RIMS2: variants seen among roughly 807,000 people sequenced by gnomAD.
RIMS2 encodes regulating synaptic membrane exocytosis protein 2.
RIMS2 carries 59 observed loss-of-function variants against 174.4 expected under a neutral mutation model. That is an observed-to-expected ratio of 0.34 (90% CI 0.27 to 0.42). The LOEUF is 0.42. RIMS2 is among the 10% of genes least tolerant of loss of function. The pLI, the probability that RIMS2 is intolerant of heterozygous loss-of-function variation, is 1.00. For synonymous variants in RIMS2, 606 were observed against 572.5 expected (o/e 1.06, Z -0.84); for missense variants, 1,620 against 1,666.3 (o/e 0.97, Z 0.48).
chr8:103,512,809 G>A (rs575389604), intron 1 of RIMS2, among the ~76,000 whole-genome samples: 5 of 152,004 alleles, frequency 3.3e-5, no homozygotes, highest in African/African-American at 7.2e-5. Flanking sequence ...ACTTTTTAAA[G>A]AATAAATTTT....
At chr8:103,912,421 C>A (rs1172791691) in intron 6 of RIMS2, among the ~76,000 whole-genome samples, 2 of 152,054 alleles carry the variant, frequency 1.3e-5, no homozygotes, top group Non-Finnish European at 1.5e-5. Flanking sequence ...TAATTAAGAT[C>A]TACTTGAATC....
At chr8:103,573,066 A>AT (rs35148115) in intron 1 of RIMS2, among the ~76,000 whole-genome samples, 27,129 of 149,468 alleles carry the variant, frequency 0.18, 2,631 homozygotes, top group African/African-American at 0.25. Flanking sequence ...CTTCAATCCA[A>AT]TTTTTTTTTT....
At chr8:103,936,641 A>C in exon 13 of RIMS2, 1 of 1,612,480 alleles carries the variant, frequency 6.2e-7, no homozygotes, top group Non-Finnish European at 8.5e-7. Flanking sequence ...TCCACCGAAG[A>C]GAATTTCGGG....
intron 1 of RIMS2, among the ~76,000 whole-genome samples, chr8:103,671,061 A>G (rs1408222221): frequency 6.6e-6 from 1 of 152,170 alleles, no homozygotes; most frequent in Non-Finnish European, 1.5e-5. Context: ...CCTCACAATC[A>G]TGGTGGGAGG....
At chr8:104,000,822 A>AT (rs1013427821) in intron 17 of RIMS2, among the ~76,000 whole-genome samples, 92 of 151,906 alleles carry the variant, frequency 6.1e-4, no homozygotes, top group African/African-American at 2.0e-3. Flanking sequence ...GATGTTGAGC[A>AT]TTTTTTTATA....
At chr8:104,212,085 T>C (rs2099108135) in intron 19 of RIMS2, among the ~76,000 whole-genome samples, 1 of 152,140 alleles carries the variant, frequency 6.6e-6, no homozygotes, top group South Asian at 2.1e-4. Context: ...AGAAAAGAAG[T>C]AAATTTCTGT....
At chr8:103,780,426 AT>A (rs1299887774) in intron 3 of RIMS2, among the ~76,000 whole-genome samples, 16 of 151,868 alleles carry the variant, frequency 1.1e-4, no homozygotes, top group Admixed American at 9.2e-4. Flanking sequence ...TCATCTTCAT[AT>A]TTTTCATTGT....
chr8:103,809,878 T>G (rs1393254141), intron 3 of RIMS2, among the ~76,000 whole-genome samples: 1 of 152,156 alleles, frequency 6.6e-6, no homozygotes, highest in Admixed American at 6.5e-5. Flanking sequence ...TAAACACAGG[T>G]AGGGTAAAAA....
At chr8:104,045,404 CT>C (rs1161187745) in intron 19 of RIMS2, among the ~76,000 whole-genome samples, 1 of 151,612 alleles carries the variant, frequency 6.6e-6, no homozygotes, top group Non-Finnish European at 1.5e-5. Flanking sequence ...TGTATTATAC[CT>C]TTTCTTACTC....
chr8:104,009,068 AATG>A (rs1341006512), intron 17 of RIMS2, among the ~76,000 whole-genome samples: 1 of 152,060 alleles, frequency 6.6e-6, no homozygotes, highest in Non-Finnish European at 1.5e-5. Context: ...CTTGCACATT[AATG>A]ATGAACATGA....
At chr8:104,098,449 A>C (rs775393258) in intron 19 of RIMS2, among the ~76,000 whole-genome samples, 1 of 152,266 alleles carries the variant, frequency 6.6e-6, no homozygotes, top group East Asian at 1.9e-4. Context: ...TGGAAGATAG[A>C]AAAAACAAAT....
intron 1 of RIMS2, among the ~76,000 whole-genome samples, chr8:103,618,901 G>A (rs1435857319): frequency 1.3e-5 from 2 of 152,054 alleles, no homozygotes; most frequent in Non-Finnish European, 2.9e-5. Context: ...TCAATTCAGG[G>A]ATATTGACAC....
At chr8:104,232,502 T>A (rs1231065130) in intron 19 of RIMS2, among the ~76,000 whole-genome samples, 1 of 152,218 alleles carries the variant, frequency 6.6e-6, no homozygotes, top group Non-Finnish European at 1.5e-5. Flanking sequence ...TAAGGGATCC[T>A]GGATAGGTCA....
chr8:104,144,981 C>T (rs1012995091), intron 19 of RIMS2, among the ~76,000 whole-genome samples: 1 of 152,128 alleles, frequency 6.6e-6, no homozygotes, highest in South Asian at 2.1e-4. Context: ...TCCCCATCCC[C>T]CACCATCAAG....
intron 1 of RIMS2, among the ~76,000 whole-genome samples, chr8:103,594,058 T>C (rs1465088344): frequency 2.0e-5 from 3 of 151,616 alleles, no homozygotes; most frequent in Non-Finnish European, 4.4e-5. Context: ...TAAAATATAT[T>C]TGCAACCTCA....
At chr8:103,733,646 G>A (rs1274131914) in intron 2 of RIMS2, among the ~76,000 whole-genome samples, 1 of 152,194 alleles carries the variant, frequency 6.6e-6, no homozygotes, top group Non-Finnish European at 1.5e-5. Context: ...TGCTTCTTCT[G>A]TGGGTGGTAG....
intron 1 of RIMS2, among the ~76,000 whole-genome samples, chr8:103,673,138 A>G (rs1486127602): frequency 1.3e-5 from 2 of 152,168 alleles, no homozygotes; most frequent in African/African-American, 4.8e-5. Context: ...GTGGGCTCCT[A>G]TGGCCTTGGG....
At chr8:104,091,120 T>G (rs1489130929) in intron 19 of RIMS2, among the ~76,000 whole-genome samples, 2 of 151,806 alleles carry the variant, frequency 1.3e-5, no homozygotes, top group African/African-American at 4.8e-5. Flanking sequence ...ATACTGAGAC[T>G]CATAGAAGCA....
intron 17 of RIMS2, among the ~76,000 whole-genome samples, chr8:103,993,975 A>G (rs1040565334): frequency 6.6e-6 from 1 of 150,544 alleles, no homozygotes; most frequent in East Asian, 2.0e-4. Context: ...GCATGAGCCT[A>G]GGGAAGTCAA....
Sources: allele counts gnomAD v4.1 joint callset (sites outside exome capture counted in the v4.1 genomes callset), GRCh38; gene constraint gnomAD v4.1.1; transcripts MANE v1.5; gene names NCBI Gene and HGNC (gene_info 2026-07-23, HGNC 2026-07-21).